The following CERS3 variants were observed in gnomAD, a reference collection of about 807,000 sequenced individuals.
CERS3 encodes the protein LAG1 homolog, ceramide synthase 3.
Under a neutral mutation model 50.3 loss-of-function variants are expected in CERS3, and 33 were observed. That is an observed-to-expected ratio of 0.66 (90% CI 0.50 to 0.88). The LOEUF (loss-of-function observed/expected upper bound fraction) is 0.88. Ranked by LOEUF, CERS3 falls within the 40% of genes least tolerant of loss-of-function variation. The pLI is 0.00. For missense variants in CERS3, 470 were observed against 460.3 expected (o/e 1.02, Z -0.19); for synonymous variants, 176 against 155.2 (o/e 1.13, Z -0.99).
intron 2 of CERS3, among the ~76,000 whole-genome samples, chr15:100,517,553 G>A (rs1047970057): frequency 6.6e-6 from 1 of 152,176 alleles, no homozygotes; most frequent in African/African-American, 2.4e-5. Context: ...TGATCAAGAA[G>A]GAATTTGGAA....
At chr15:100,446,646 C>T (rs1267172992) in intron 11 of CERS3, among the ~76,000 whole-genome samples, 1 of 152,140 alleles carries the variant, frequency 6.6e-6, no homozygotes, top group Non-Finnish European at 1.5e-5. Flanking sequence ...ATATATTATA[C>T]ACGGATAGTA....
chr15:100,529,078 T>G (rs1337386374), upstream of CERS3: 2 of 152,110 alleles, frequency 1.3e-5, no homozygotes, highest in Non-Finnish European at 2.9e-5. Context: ...TTCACCACCT[T>G]GAGAAAAGAA....
chr15:100,418,691 GT>G (rs1286186559), intron 11 of CERS3, among the ~76,000 whole-genome samples: 1 of 132,698 alleles, frequency 7.5e-6, no homozygotes, highest in African/African-American at 2.8e-5. Context: ...GAAAGGTCGG[GT>G]TACCCTCAAA....
chr15:100,427,290 C>T lies in CERS3; in HGVS notation c.1000-24425G>A, dbSNP rs376335269. On this transcript the variant is annotated intron_variant, in intron 11 of 11. Coordinates refer to ENST00000679737, the MANE Select transcript of CERS3 (RefSeq NM_001378789.1). ...AAAGTGCTATTGTTGGCAAGAATTCCGAATAAGGAAAATTTTAAAAGTATC... is the reference window on the plus strand; with the variant it reads ...AAAGTGCTATTGTTGGCAAGAATTCTGAATAAGGAAAATTTTAAAAGTATC... 1.8e-3 allele frequency among the ~76,000 whole-genome samples: 268 copies of T among 152,196 alleles called. 2 individuals carry two copies. In the South Asian group the frequency reaches 0.018, roughly 10 times the overall value.
At chr15:100,409,573 G>A (rs2031316581) in intron 11 of CERS3, among the ~76,000 whole-genome samples, 1 of 152,126 alleles carries the variant, frequency 6.6e-6, no homozygotes, top group African/African-American at 2.4e-5. Flanking sequence ...GGGGAACAAG[G>A]CATCTACGTA....
intron 11 of CERS3, among the ~76,000 whole-genome samples, chr15:100,433,311 A>G (rs1205967801): frequency 3.9e-5 from 6 of 152,056 alleles, no homozygotes; most frequent in Non-Finnish European, 8.8e-5. Context: ...CTGAAGAACA[A>G]TGGTGGTAGC....
At chr15:100,414,592 C>G (rs769211404) in intron 11 of CERS3, among the ~76,000 whole-genome samples, 5 of 152,056 alleles carry the variant, frequency 3.3e-5, no homozygotes, top group African/African-American at 1.2e-4. Context: ...TATAGACCAA[C>G]AGAACAGAAC....
At chr15:100,430,827 G>T (rs1208768041) in intron 11 of CERS3, among the ~76,000 whole-genome samples, 1 of 152,132 alleles carries the variant, frequency 6.6e-6, no homozygotes. Context: ...AACAAATTGA[G>T]TTTTTTCCCC....
chr15:100,432,071 G>GT (rs56404482), intron 11 of CERS3, among the ~76,000 whole-genome samples: 11 of 149,224 alleles, frequency 7.4e-5, no homozygotes, highest in East Asian at 5.9e-4. Context: ...GCCCTCTTTT[G>GT]TTTTTTTTTT....
At chr15:100,429,944 T>TA (rs2033028399) in intron 11 of CERS3, among the ~76,000 whole-genome samples, 1 of 151,762 alleles carries the variant, frequency 6.6e-6, no homozygotes, top group Admixed American at 6.6e-5. Flanking sequence ...TATTTTTTTT[T>TA]ATATATTTAT....
At position 100,492,938 on chromosome 15, in the gene CERS3, C is replaced by G. The variant is rs574860824; in HGVS notation, c.174-2007G>C. Among the ~76,000 whole-genome samples the G allele has an allele frequency of 5.3e-5, 8 of 152,202 alleles. No individual in the cohort carries two copies. The South Asian group carries it at 1.7e-3, about 32-fold the overall frequency. ...ATAACATCTTACTTCAGATTAATAT[C>G]AAATTAATTTCAATAGGGTTAAAAA... On this transcript the variant is annotated intron_variant, in intron 3 of 11. Coordinates refer to ENST00000679737, the MANE Select transcript of CERS3 (RefSeq NM_001378789.1).
chr15:100,418,907 G>A (rs1464839014), intron 11 of CERS3, among the ~76,000 whole-genome samples: 2 of 151,664 alleles, frequency 1.3e-5, no homozygotes, highest in Non-Finnish European at 2.9e-5. Context: ...CACCAGGCCT[G>A]CCTTACAAGA....
intron 11 of CERS3, among the ~76,000 whole-genome samples, chr15:100,450,503 T>TTC (rs1430454561): frequency 1.3e-5 from 2 of 149,772 alleles, no homozygotes; most frequent in African/African-American, 4.9e-5. Flanking sequence ...AGAACTCCAT[T>TTC]AGATAAAAAT....
chr15:100,418,599 C>T (rs561158776), intron 11 of CERS3, among the ~76,000 whole-genome samples: 91 of 141,888 alleles, frequency 6.4e-4, no homozygotes, highest in African/African-American at 2.2e-3. Flanking sequence ...AGATACTCCT[C>T]GAGAAGAGCA....
rs111835351 is a variant in CERS3 at position 100,502,062 on chromosome 15, T to C, written c.-1-212A>G. On this transcript the variant is annotated intron_variant, in intron 2 of 11. Transcript: ENST00000679737. ...GAGATCAAGTCCATCCTGGCCAACA[T>C]GGTGAAATCCCATCTCTACTAAAAA... 8.5e-3 allele frequency among the ~76,000 whole-genome samples: 1,291 copies of C among 151,882 alleles called. 21 individuals are homozygous for C. The highest frequency in any genetic ancestry group is 0.029 in the African/African-American group (1,216 of 41,420).
intron 3 of CERS3, among the ~76,000 whole-genome samples, chr15:100,491,724 G>A (rs1567658813): frequency 6.6e-6 from 1 of 152,034 alleles, no homozygotes; most frequent in Non-Finnish European, 1.5e-5. Flanking sequence ...TTCAAACACT[G>A]CTATTGCTGT....
intron 1 of CERS3, among the ~76,000 whole-genome samples, chr15:100,540,697 C>T (rs894393104): frequency 2.6e-5 from 4 of 152,228 alleles, no homozygotes; most frequent in Non-Finnish European, 5.9e-5. Flanking sequence ...GTGTGGCACA[C>T]GTGTACCTAT....
rs536010315 is a variant in CERS3, at chr15:100,467,765, C to CTATATA, written c.845+1612_845+1613insTATATA. 1.7e-4 allele frequency among the ~76,000 whole-genome samples: 18 copies of CTATATA among 108,746 alleles called. 1 individual carries two copies. The highest frequency in any genetic ancestry group is 4.8e-4 in the African/African-American group (16 of 33,200). 71.3% of individuals were successfully genotyped at this position (108,746 alleles called of 152,430 possible). On this transcript the variant is annotated intron_variant, in intron 10 of 11. Transcript: ENST00000679737. ...TATCATTCTCTCTCTCTCTCTCTCT[C>CTATATA]TCTCTATATATATATACACACATAT...
intron 11 of CERS3, among the ~76,000 whole-genome samples, chr15:100,431,886 G>A (rs981741171): frequency 2.0e-5 from 3 of 152,202 alleles, no homozygotes; most frequent in Non-Finnish European, 4.4e-5. Flanking sequence ...GCAGTAACAA[G>A]TTGATCTGAG....
Sources: allele counts gnomAD v4.1 joint callset (sites outside exome capture counted in the v4.1 genomes callset), GRCh38; gene constraint gnomAD v4.1.1; transcripts MANE v1.5; gene names NCBI Gene and HGNC (gene_info 2026-07-23, HGNC 2026-07-21).